FOXP1: variants seen among roughly 807,000 people sequenced by gnomAD.
The protein encoded by FOXP1 is forkhead box P1, also known as forkhead box protein P1.
A neutral mutation model predicts 98.2 loss-of-function variants in FOXP1; 15 were observed. The observed-to-expected ratio is 0.15, with a 90% CI of 0.10 to 0.24. The LOEUF (loss-of-function observed/expected upper bound fraction) is 0.24. Among genes scored for constraint, FOXP1 ranks in the 10% least tolerant of loss-of-function variants. The pLI is 1.00. For missense variants in FOXP1, 633 were observed against 848.5 expected, an observed-to-expected ratio of 0.75 and a Z score of 3.15; for synonymous variants, 371 against 314.5, an observed-to-expected ratio of 1.18 and a Z score of -1.90.
chr3:71,352,482 A>AAAAC lies in FOXP1; in HGVS notation c.-73+6667_-73+6668insGTTT, dbSNP rs1553854478. Among the ~76,000 whole-genome samples, 386 of 148,312 alleles carry AAAAC rather than the reference A, an allele frequency of 2.6e-3. 2 individuals are homozygous for AAAAC. The highest frequency in any genetic ancestry group is 8.2e-3 in the African/African-American group (333 of 40,476). ...CGAGACTCCATCTCAAAAAAAAAAA[A>AAAAC]AAAAAAAAAAACACAACAGGCTACG... On this transcript the variant is annotated intron_variant, in intron 4 of 20. Transcript: ENST00000649528.
At chr3:71,130,346 T>C (rs1261560884) in intron 6 of FOXP1, among the ~76,000 whole-genome samples, 5 of 151,994 alleles carry the variant, frequency 3.3e-5, no homozygotes, top group Non-Finnish European at 7.4e-5. Context: ...AAAAAGCCTC[T>C]GATGGAGAGA....
At chr3:71,230,432 T>A (rs2066193361) in intron 5 of FOXP1, among the ~76,000 whole-genome samples, 1 of 152,198 alleles carries the variant, frequency 6.6e-6, no homozygotes, top group Admixed American at 6.5e-5. Flanking sequence ...TGCCCATGAA[T>A]GATTAAAGTC....
intron 4 of FOXP1, among the ~76,000 whole-genome samples, chr3:71,352,235 G>C (rs1316692881): frequency 6.6e-6 from 1 of 152,094 alleles, no homozygotes; most frequent in African/African-American, 2.4e-5. Flanking sequence ...GGAGGCTGAA[G>C]GGGGTGGATC....
chr3:71,228,168 C>A (rs575703070), intron 5 of FOXP1, among the ~76,000 whole-genome samples: 3 of 152,024 alleles, frequency 2.0e-5, no homozygotes, highest in Non-Finnish European at 4.4e-5. Flanking sequence ...CAACACATCA[C>A]GGAAAGAGAG....
intron 3 of FOXP1, among the ~76,000 whole-genome samples, chr3:71,454,405 G>A (rs1166628169): frequency 6.6e-6 from 1 of 152,130 alleles, no homozygotes; most frequent in Admixed American, 6.5e-5. Context: ...CTAAGGCACA[G>A]AGAGAGACAG....
chr3:71,339,150 T>G (rs2076864221), intron 4 of FOXP1, among the ~76,000 whole-genome samples: 1 of 152,260 alleles, frequency 6.6e-6, no homozygotes, highest in African/African-American at 2.4e-5. Flanking sequence ...TGAAATCTAT[T>G]ATGATGTCAA....
At chr3:71,349,645 A>G (rs1466506271) in intron 4 of FOXP1, among the ~76,000 whole-genome samples, 1 of 152,198 alleles carries the variant, frequency 6.6e-6, no homozygotes, top group Non-Finnish European at 1.5e-5. Flanking sequence ...CAAAAATAAA[A>G]AAAAAAATTC....
chr3:71,201,363 G>C (rs1257358479), intron 5 of FOXP1, among the ~76,000 whole-genome samples: 1 of 152,200 alleles, frequency 6.6e-6, no homozygotes, highest in Non-Finnish European at 1.5e-5. Context: ...TAAAGGAAAA[G>C]AGCCGGGTGC....
At chr3:71,333,878 G>A (rs1157557714) in intron 4 of FOXP1, 3 of 151,398 alleles carry the variant, frequency 2.0e-5, no homozygotes, top group African/African-American at 7.3e-5. Context: ...ATAAGAATTC[G>A]ACTGGCTGAG....
chr3:71,363,780 T>C (rs2078732916), intron 3 of FOXP1, among the ~76,000 whole-genome samples: 1 of 152,194 alleles, frequency 6.6e-6, no homozygotes, highest in Non-Finnish European at 1.5e-5. Context: ...GCATCCCTTG[T>C]AGTTAGGTGG....
intron 2 of FOXP1, among the ~76,000 whole-genome samples, chr3:71,539,342 C>A (rs570567293): frequency 6.9e-6 from 1 of 145,346 alleles, no homozygotes; most frequent in East Asian, 2.0e-4. Flanking sequence ...AGGATGGTCT[C>A]GATCTCCTGA....
intron 3 of FOXP1, among the ~76,000 whole-genome samples, chr3:71,473,667 T>C (rs1278250261): frequency 1.0e-5 from 1 of 97,436 alleles, no homozygotes; most frequent in Admixed American, 1.5e-4. Context: ...GGAAACCAAA[T>C]CAAATGTCCA....
intron 7 of FOXP1, among the ~76,000 whole-genome samples, chr3:71,069,009 C>G (rs1027521983): frequency 1.3e-5 from 2 of 152,176 alleles, no homozygotes; most frequent in Admixed American, 1.3e-4. Context: ...TAAATTAATA[C>G]ATCATCCATC....
At chr3:71,427,747 C>T (rs970691045) in intron 3 of FOXP1, among the ~76,000 whole-genome samples, 2 of 152,024 alleles carry the variant, frequency 1.3e-5, no homozygotes, top group African/African-American at 4.8e-5. Context: ...GGTGAGGGGT[C>T]AAAAACAATA....
chr3:71,500,111 C>T (rs1250032784), intron 2 of FOXP1, among the ~76,000 whole-genome samples: 1 of 152,220 alleles, frequency 6.6e-6, no homozygotes, highest in African/African-American at 2.4e-5. Context: ...TTCCCTAAAA[C>T]TAACCAATCA....
At chr3:70,983,466 T>C (rs1002412116) in intron 14 of FOXP1, among the ~76,000 whole-genome samples, 11 of 152,142 alleles carry the variant, frequency 7.2e-5, no homozygotes, top group African/African-American at 1.4e-4. Flanking sequence ...TTTGTTTTTA[T>C]AGGAGCTAAA....
intron 3 of FOXP1, among the ~76,000 whole-genome samples, chr3:71,393,894 T>C (rs1462628266): frequency 2.0e-5 from 3 of 152,220 alleles, no homozygotes; most frequent in Non-Finnish European, 4.4e-5. Context: ...GGGATCTCAC[T>C]GTGTTGCCCA....
chr3:71,533,246 C>T (rs1384235392), intron 2 of FOXP1, among the ~76,000 whole-genome samples: 2 of 152,174 alleles, frequency 1.3e-5, no homozygotes, highest in Non-Finnish European at 2.9e-5. Flanking sequence ...CACAGGCCCA[C>T]TTATGAGAGG....
At chr3:71,441,544 T>G (rs1461928929) in intron 3 of FOXP1, among the ~76,000 whole-genome samples, 1 of 152,208 alleles carries the variant, frequency 6.6e-6, no homozygotes, top group Non-Finnish European at 1.5e-5. Flanking sequence ...CTGTGCTAAA[T>G]GCTCTAGGAG....
Sources: allele counts gnomAD v4.1 joint callset (sites outside exome capture counted in the v4.1 genomes callset), GRCh38; gene constraint gnomAD v4.1.1; transcripts MANE v1.5; gene names NCBI Gene and HGNC (gene_info 2026-07-23, HGNC 2026-07-21).